CAST: variants seen among roughly 807,000 people sequenced by gnomAD.
CAST encodes calpastatin.
In CAST, 76 loss-of-function variants were observed where a neutral mutation model predicts 119.6. The observed-to-expected ratio is 0.64, with a 90% confidence interval of 0.53 to 0.77. The LOEUF (loss-of-function observed/expected upper bound fraction) is 0.77, where lower values mean the gene tolerates loss of function less well. Ranked by LOEUF, CAST falls within the 30% of genes least tolerant of loss-of-function variation. The pLI, the probability that CAST is intolerant of heterozygous loss-of-function variation, is 0.00. For missense variants in CAST, 953 were observed against 946.5 expected (o/e 1.01, Z -0.09); for synonymous variants, 319 against 331.6 (o/e 0.96, Z 0.41).
chr5:96,523,979 C>G (rs146228137), upstream of CAST, among the ~76,000 whole-genome samples: 82 of 152,278 alleles, frequency 5.4e-4, no homozygotes, highest in African/African-American at 1.9e-3. Context: ...ATCAGCAGTT[C>G]TACAAGGAAG....
chr5:96,334,025 A>G, the CAST span, among the ~76,000 whole-genome samples: 2 of 152,164 alleles, frequency 1.3e-5, no homozygotes, highest in Non-Finnish European at 2.9e-5. Context: ...CCCATTTCAT[A>G]TGCTCCTCAC....
At chr5:96,662,344 C>A, upstream of CAST, 4 of 1,224,020 alleles carry the variant, frequency 3.3e-6, no homozygotes, top group Non-Finnish European at 4.1e-6. Flanking sequence ...TCCCTCTCTC[C>A]CTGGCAGGAC....
chr5:96,512,921 C>T, the CAST span, among the ~76,000 whole-genome samples: 2 of 152,222 alleles, frequency 1.3e-5, no homozygotes, highest in African/African-American at 4.8e-5. Context: ...AGTAATTAGA[C>T]ATAATACATA....
chr5:96,036,118 T>A, the CAST span, among the ~76,000 whole-genome samples: 11 of 150,924 alleles, frequency 7.3e-5, no homozygotes, highest in Non-Finnish European at 1.5e-4. Context: ...ATGTATAATA[T>A]ATTTTACCTT....
chr5:96,511,722 C>T, the CAST span, among the ~76,000 whole-genome samples: 3 of 152,242 alleles, frequency 2.0e-5, no homozygotes, highest in Non-Finnish European at 2.9e-5. Context: ...AGTAGCTCAA[C>T]ACTAGCCTCT....
At chr5:96,410,839 C>T in the CAST span, 159 of 1,614,102 alleles carry the variant, frequency 9.9e-5, 2 homozygotes, top group Admixed American at 2.4e-3. Context: ...CACTTCTCAG[C>T]GTACCAGGGG....
the CAST span, among the ~76,000 whole-genome samples, chr5:96,068,632 A>G: frequency 7.3e-6 from 1 of 137,708 alleles, no homozygotes; most frequent in African/African-American, 2.8e-5. Context: ...TGTGTGTATA[A>G]TATGTGTATG....
chr5:96,355,067 GT>G, the CAST span, among the ~76,000 whole-genome samples: 1 of 151,922 alleles, frequency 6.6e-6, no homozygotes, highest in Non-Finnish European at 1.5e-5. Context: ...GAACGTGCAG[GT>G]TTTTTACATA....
the CAST span, among the ~76,000 whole-genome samples, chr5:96,124,765 A>G: frequency 1.3e-5 from 2 of 152,160 alleles, no homozygotes; most frequent in African/African-American, 2.4e-5. Flanking sequence ...CATTGTTCTC[A>G]TATAAATGTT....
chr5:96,632,555 C>A (rs155043), intron 1 of CAST, among the ~76,000 whole-genome samples: 46,562 of 151,896 alleles, frequency 0.31, 7,174 homozygotes, highest in African/African-American at 0.33. Context: ...TATATTTCTT[C>A]GAAGAGTTTT....
chr5:96,119,636 G>C, the CAST span, among the ~76,000 whole-genome samples: 4 of 152,134 alleles, frequency 2.6e-5, no homozygotes, highest in African/African-American at 9.7e-5. Flanking sequence ...ACTATCTAAA[G>C]AAAGTGAAAA....
At chr5:96,204,303 G>A in the CAST span, among the ~76,000 whole-genome samples, 13 of 152,002 alleles carry the variant, frequency 8.6e-5, no homozygotes, top group Non-Finnish European at 1.8e-4. Context: ...GCTGTTTCCT[G>A]ATGTTTTATT....
At chr5:96,013,121 C>T in the CAST span, among the ~76,000 whole-genome samples, 1 of 152,082 alleles carries the variant, frequency 6.6e-6, no homozygotes, top group African/African-American at 2.4e-5. Flanking sequence ...CATTAAATTA[C>T]TTCTGTTAAA....
chr5:96,047,201 C>T, the CAST span, among the ~76,000 whole-genome samples: 21 of 152,288 alleles, frequency 1.4e-4, no homozygotes, highest in African/African-American at 3.8e-4. Flanking sequence ...TGCAAGCTCA[C>T]AGATAAGCCT....
the CAST span, among the ~76,000 whole-genome samples, chr5:96,417,621 CAG>C: frequency 6.6e-6 from 1 of 152,096 alleles, no homozygotes; most frequent in East Asian, 1.9e-4. Context: ...GAGATGGAAA[CAG>C]AGTGCTTGGT....
chr5:96,580,858 A>T (rs1580833457), intron 1 of CAST, among the ~76,000 whole-genome samples: 2 of 152,234 alleles, frequency 1.3e-5, no homozygotes, highest in Non-Finnish European at 2.9e-5. Flanking sequence ...TAAGGTGATG[A>T]TATTGGGAGA....
chr5:96,696,701 T>TAAAAAAAAAAAAAA (rs1561483071), intron 3 of CAST, among the ~76,000 whole-genome samples: 1 of 49,982 alleles, frequency 2.0e-5, no homozygotes, highest in Non-Finnish European at 4.7e-5. Flanking sequence ...AAAAAAAAAT[T>TAAAAAAAAAAAAAA]AAAAATTAGC....
the CAST span, among the ~76,000 whole-genome samples, chr5:96,444,748 TA>T: frequency 6.6e-6 from 1 of 152,060 alleles, no homozygotes; most frequent in African/African-American, 2.4e-5. Context: ...TGTTTTGTTT[TA>T]TTTATTTTTT....
In CAST at chr5:96,621,565, C is replaced by T. The variant is rs146915039; in HGVS notation, c.61-53974C>T. Among the ~76,000 whole-genome samples, 358 of 152,274 alleles carry T rather than the reference C, an allele frequency of 2.4e-3. 2 individuals are homozygous for T. The highest frequency in any genetic ancestry group is 8.2e-3 in the African/African-American group (340 of 41,542). ...GAGAAACTGTCAGGCACTTACAAAACCATCAGATTTTATGAGAACTCACTC... is the reference window on the plus strand; with the variant it reads ...GAGAAACTGTCAGGCACTTACAAAATCATCAGATTTTATGAGAACTCACTC... On this transcript the variant is annotated intron_variant, in intron 1 of 11. Coordinates refer to the CAST transcript ENST00000505143.
Sources: allele counts gnomAD v4.1 joint callset (sites outside exome capture counted in the v4.1 genomes callset), GRCh38; gene constraint gnomAD v4.1.1; transcripts MANE v1.5; gene names NCBI Gene and HGNC (gene_info 2026-07-23, HGNC 2026-07-21).